PRKD1: variants seen among roughly 807,000 people sequenced by gnomAD.
The protein encoded by PRKD1 is serine/threonine-protein kinase D1.
A neutral mutation model predicts 95.9 loss-of-function variants in PRKD1; 63 were observed. The ratio of observed to expected loss-of-function variants is 0.66; its 90% confidence interval spans 0.54 to 0.81. The LOEUF (loss-of-function observed/expected upper bound fraction) is 0.81, where lower values mean the gene tolerates loss of function less well. PRKD1 is among the 30% of genes least tolerant of loss of function. PRKD1 has a pLI of 0.00. For missense variants in PRKD1, 1,048 were observed against 1,165.3 expected (o/e 0.90, Z 1.47); for synonymous variants, 425 against 423.1 (o/e 1.00, Z -0.05).
intron 13 of PRKD1, among the ~76,000 whole-genome samples, chr14:29,617,039 T>C (rs1878913571): frequency 6.6e-6 from 1 of 152,158 alleles, no homozygotes; most frequent in African/African-American, 2.4e-5. Flanking sequence ...CACTTATAAG[T>C]GAGAACATGC....
At chr14:29,840,836 G>T (rs1295218718) in intron 1 of PRKD1, among the ~76,000 whole-genome samples, 1 of 152,180 alleles carries the variant, frequency 6.6e-6, no homozygotes, top group Non-Finnish European at 1.5e-5. Flanking sequence ...GGAAAGACCT[G>T]ACCCCATGAT....
At chr14:29,619,839 A>C (rs1223178152) in intron 13 of PRKD1, among the ~76,000 whole-genome samples, 1 of 152,192 alleles carries the variant, frequency 6.6e-6, no homozygotes, top group Non-Finnish European at 1.5e-5. Flanking sequence ...GGACTTCAAA[A>C]GGGTTTCTTT....
Position 29,631,006 on chromosome 14 carries a change from C to A in PRKD1, c.1408G>T (p.Glu470Ter). 1 of 1,605,544 alleles carries A rather than the reference C, an allele frequency of 6.2e-7. No homozygotes were observed. The highest frequency in any genetic ancestry group is 1.1e-5 in the South Asian group (1 of 90,052). Residue 470 changes from glutamate (E) to a stop codon, truncating the protein, a stop_gained, in exon 10 of 18, where the codon GAA becomes TAA. Coordinates refer to ENST00000331968, the MANE Select transcript of PRKD1 (RefSeq NM_002742.3). LOFTEE classifies it high-confidence loss of function. ...SRYYKEIPLS[E>*]ILSLEPVKTS... ...TTTACTGGTTCCAGAGACAAAATTT[C>A]AGATAAAGGAATTTCCTGTGAAAGA...
At chr14:29,899,614 T>C (rs549992640) in intron 1 of PRKD1, among the ~76,000 whole-genome samples, 2 of 152,292 alleles carry the variant, frequency 1.3e-5, no homozygotes, top group Admixed American at 1.3e-4. Flanking sequence ...GCCACTGCAC[T>C]CCATACTGGG....
intron 4 of PRKD1, among the ~76,000 whole-genome samples, chr14:29,645,910 T>C (rs1333335970): frequency 6.6e-6 from 1 of 152,128 alleles, no homozygotes; most frequent in Admixed American, 6.6e-5. Flanking sequence ...TCCAAAGTCA[T>C]TAAAGCAGCA....
intron 1 of PRKD1, among the ~76,000 whole-genome samples, chr14:29,773,480 G>A (rs966506559): frequency 2.0e-5 from 3 of 148,506 alleles, no homozygotes; most frequent in Admixed American, 6.7e-5. Context: ...AAAAAAAGGA[G>A]TAAAAACAAT....
rs58908662 is a variant in PRKD1 at position 29,734,028 on chromosome 14, C to CTTTTTTTTTTTTTTTTTTTTTT, written c.265-8376_265-8355dup. 4.6e-5 allele frequency among the ~76,000 whole-genome samples: 3 copies of CTTTTTTTTTTTTTTTTTTTTTT among 64,670 alleles called. 1 individual carries two copies. The highest frequency in any genetic ancestry group is 7.9e-5 in the African/African-American group (1 of 12,728). The allele number at this position is 64,670 out of a possible 152,430, so 42.4% of individuals were successfully genotyped here. The stretch of plus-strand genomic sequence containing the variant: ...CTGGTTTTGAGTCATACTTTCCTGC[C>CTTTTTTTTTTTTTTTTTTTTTT]TTTTTTTTTTTTTTTTTTTTTTTTT... On this transcript the variant is annotated intron_variant, in intron 1 of 17. Coordinates refer to ENST00000331968, the MANE Select transcript of PRKD1 (RefSeq NM_002742.3).
intron 1 of PRKD1, among the ~76,000 whole-genome samples, chr14:29,804,584 C>T (rs1317861456): frequency 1.5e-5 from 1 of 64,810 alleles, no homozygotes; most frequent in Non-Finnish European, 3.3e-5. Context: ...ATACACAATC[C>T]AACTAAAAAA....
At chr14:29,839,863 C>G (rs1470463183) in intron 1 of PRKD1, among the ~76,000 whole-genome samples, 5 of 151,988 alleles carry the variant, frequency 3.3e-5, no homozygotes, top group Non-Finnish European at 7.4e-5. Flanking sequence ...TGCAGGGCAC[C>G]AAGTCCCTAG....
In PRKD1 at chr14:29,597,743, A is replaced by G; in HGVS notation, c.2182T>C (p.Phe728Leu). 6.2e-7 allele frequency: 1 copy of G among 1,610,992 alleles called. No individual in the cohort carries two copies. Among genetic ancestry groups the G allele is most frequent in the East Asian group, 2.2e-5 (1 of 44,834 alleles). Residue 728 changes from phenylalanine to leucine, a missense_variant, in exon 16 of 18, where the codon TTT becomes CTT. By Grantham distance (22) the Phe-to-Leu change is conservative (BLOSUM62 0). Around this residue, in one of 3 missense-constraint regions of PRKD1, gnomAD observed 739 missense variants for 861.9 expected, o/e 0.86. Coordinates refer to ENST00000331968, the MANE Select transcript of PRKD1 (RefSeq NM_002742.3). ...DPFPQVKLCD[F>L]GFARIIGEKS... is the part of the protein sequence containing the mutation. ...TCTCCAATGATCCGGGCAAAACCAA[A>G]ATCACAAAGTTTCACCTGTTGATGA...
intron 1 of PRKD1, among the ~76,000 whole-genome samples, chr14:29,748,191 T>C (rs1417511980): frequency 6.6e-6 from 1 of 152,212 alleles, no homozygotes; most frequent in Non-Finnish European, 1.5e-5. Flanking sequence ...CAGCTATAAT[T>C]TATTGAATGT....
intron 16 of PRKD1, among the ~76,000 whole-genome samples, chr14:29,589,484 C>T (rs952972388): frequency 2.0e-5 from 3 of 152,128 alleles, no homozygotes; most frequent in African/African-American, 7.2e-5. Flanking sequence ...TTCATTTGAC[C>T]TTCACACTTG....
chr14:29,636,446 C>T lies in PRKD1; in HGVS notation c.1034G>A (p.Ser345Asn). 6.2e-7 allele frequency: 1 copy of T among 1,614,144 alleles called. No homozygotes were observed. Among genetic ancestry groups the T allele is most frequent in the Non-Finnish European group, 8.5e-7 (1 of 1,180,024 alleles). Reference sequence around the variant, plus strand: ...GTTCCTTTCACTATCATTGTCATCACTCCCTTCTTCCATGACCACATCAGA... The same window carrying T: ...GTTCCTTTCACTATCATTGTCATCATTCCCTTCTTCCATGACCACATCAGA... The part of the protein sequence containing the change: ...AESDVVMEEG[S>N]DDNDSERNSG... The change falls in exon 7 of 18, where the codon AGT (serine) becomes AAT (asparagine). Residue 345 changes from serine to asparagine, a missense_variant. Physicochemically the swap from Ser to Asn is conservative, Grantham distance 46. Transcript: ENST00000331968.
At chr14:29,844,058 G>C (rs1329348284) in intron 1 of PRKD1, among the ~76,000 whole-genome samples, 2 of 152,200 alleles carry the variant, frequency 1.3e-5, no homozygotes, top group East Asian at 3.8e-4. Flanking sequence ...AAAAGGCACA[G>C]AGCTATTGTG....
In PRKD1 at chr14:29,577,006, A is replaced by C; in HGVS notation, c.*232T>G. The stretch of plus-strand genomic sequence containing the variant: ...AATATAACATGAATCATTCACAATA[A>C]CAAGTTTCGTGTTTCAGGGAACTTT... On this transcript the variant is annotated 3_prime_UTR_variant, in exon 18 of 18. Coordinates refer to ENST00000331968, the MANE Select transcript of PRKD1 (RefSeq NM_002742.3). 1.8e-6 allele frequency: 1 copy of C among 563,608 alleles called. No homozygotes were observed. Among genetic ancestry groups the C allele is most frequent in the Non-Finnish European group, 3.2e-6 (1 of 314,844 alleles). The allele number at this position is 563,608 out of a possible 1,614,324, so 34.9% of individuals were successfully genotyped here.
At chr14:29,835,941 G>C (rs1274564378) in intron 1 of PRKD1, among the ~76,000 whole-genome samples, 1 of 152,076 alleles carries the variant, frequency 6.6e-6, no homozygotes, top group African/African-American at 2.4e-5. Context: ...CCTTTTCATA[G>C]TTCAAGTCAT....
intron 13 of PRKD1, among the ~76,000 whole-genome samples, chr14:29,618,012 G>A (rs573755868): frequency 2.6e-5 from 4 of 152,126 alleles, no homozygotes; most frequent in South Asian, 2.1e-4. Context: ...AGGCTGCAGC[G>A]AGCTGTGATC....
intron 2 of PRKD1, among the ~76,000 whole-genome samples, chr14:29,724,406 A>T (rs925046508): frequency 6.6e-6 from 1 of 152,172 alleles, no homozygotes; most frequent in African/African-American, 2.4e-5. Context: ...CAGGAAACTT[A>T]GAAAACAACA....
At chr14:29,598,381 GA>G (rs1165127234) in intron 15 of PRKD1, among the ~76,000 whole-genome samples, 2 of 151,816 alleles carry the variant, frequency 1.3e-5, no homozygotes, top group African/African-American at 4.8e-5. Flanking sequence ...AGACAAATAT[GA>G]AGACAAGTGT....
Sources: gnomAD v4.1 joint callset for allele counts (sites outside exome capture counted in the v4.1 genomes callset) on GRCh38, gnomAD v4.1.1 for gene constraint, gnomAD v4.1.1 regional missense constraint, MANE v1.5 for transcripts, NCBI Gene and HGNC (gene_info 2026-07-23, HGNC 2026-07-21) for gene names.